Variants in DMTN observed in about 807,000 individuals in gnomAD.
DMTN encodes dematin.
DMTN carries 27 observed loss-of-function variants against 59.4 expected under a neutral mutation model. The ratio of observed to expected loss-of-function variants is 0.45; its 90% confidence interval spans 0.33 to 0.63. The LOEUF is 0.63. Among genes scored for constraint, DMTN ranks in the 20% least tolerant of loss-of-function variants. DMTN has a pLI of 0.02. For synonymous variants in DMTN, 221 were observed against 203.7 expected (o/e 1.08, Z -0.72); for missense variants, 451 against 528.9 (o/e 0.85, Z 1.45).
rs1215066017 is a variant in DMTN at position 22,079,291 on chromosome 8, TATATATATATTA to T, written c.836-888_836-877del. Among the ~76,000 whole-genome samples, 4 of 72,828 alleles carry T rather than the reference TATATATATATTA, an allele frequency of 5.5e-5. 1 individual carries two copies. Among genetic ancestry groups the T allele is most frequent in the Admixed American group, 2.0e-4 (1 of 4,892 alleles). The allele number at this position is 72,828 out of a possible 152,430, so 47.8% of individuals were successfully genotyped here. A position where few individuals can be genotyped will look rare whatever the true frequency, so the allele number is the denominator to read the frequency against. On this transcript the variant is annotated intron_variant, in intron 10 of 15. Coordinates refer to ENST00000358242, the MANE Select transcript of DMTN (RefSeq NM_001387751.1). ...ATAAATAAATAAATATATATATATA[TATATATATATTA>T]GCTGGGTTTGATGGCGCATGCCCCT...
Position 22,072,416 on chromosome 8 carries a change from C to G in DMTN, c.695C>G (p.Ala232Gly). 6.3e-7 allele frequency: 1 copy of G among 1,589,072 alleles called. No individual in the cohort carries two copies. The highest frequency in any genetic ancestry group is 8.6e-7 in the Non-Finnish European group (1 of 1,166,678). ...GACGACTCTGGAGAGGAGATGAAGG[C>G]TCTCAGGGAGCGTCAGAGAGAGGAA... ...EDDDSGEEMK[A>G]LRERQREELS... Residue 232 changes from alanine to glycine, a missense_variant, in exon 9 of 16, where the codon GCT (alanine) becomes GGT (glycine). By Grantham distance (60) the Ala-to-Gly change is moderately conservative (BLOSUM62 0). Transcript: ENST00000358242.
chr8:22,073,299 A>G (rs1180366068), intron 9 of DMTN, among the ~76,000 whole-genome samples: 1 of 152,216 alleles, frequency 6.6e-6, no homozygotes, highest in Non-Finnish European at 1.5e-5. Context: ...TCCTGCCTGC[A>G]GCATGGCCCA....
intron 13 of DMTN, 57 bp from the exon 14 acceptor site, chr8:22,080,748 A>G: frequency 6.3e-7 from 1 of 1,591,022 alleles, no homozygotes; most frequent in South Asian, 1.1e-5. Context: ...AAGCCGGGGT[A>G]AGGCTGGGAA....
upstream of DMTN, among the ~76,000 whole-genome samples, chr8:22,056,031 C>G (rs1171538576): frequency 6.6e-6 from 1 of 152,184 alleles, no homozygotes; most frequent in African/African-American, 2.4e-5. Context: ...TGTTGTCCTT[C>G]CCCATCCTGC....
At chr8:22,075,197 A>AAG (rs1242563014) in intron 10 of DMTN, among the ~76,000 whole-genome samples, 6 of 150,906 alleles carry the variant, frequency 4.0e-5, no homozygotes, top group East Asian at 2.0e-4. Context: ...AAAAAAAAAA[A>AAG]AAAGAAAAAA....
In DMTN at chr8:22,081,727, T is replaced by C; in HGVS notation, c.*264T>C. On this transcript the variant is annotated 3_prime_UTR_variant, in exon 16 of 16. Coordinates refer to ENST00000358242, the MANE Select transcript of DMTN (RefSeq NM_001387751.1). ...GGGCTCTGGCACACAGAGTTCATGTTTGCGCCCTCTCCCTGCCCCTCACCC... is the reference window on the plus strand; with the variant it reads ...GGGCTCTGGCACACAGAGTTCATGTCTGCGCCCTCTCCCTGCCCCTCACCC... 1 of 562,884 alleles carries C rather than the reference T, an allele frequency of 1.8e-6. No individual in the cohort carries two copies. Among genetic ancestry groups the C allele is most frequent in the Non-Finnish European group, 3.3e-6 (1 of 303,826 alleles). The allele number at this position is 562,884 out of a possible 1,614,324, so 34.9% of individuals were successfully genotyped here.
upstream of DMTN, among the ~76,000 whole-genome samples, chr8:22,052,278 C>G (rs1801431840): frequency 6.6e-6 from 1 of 152,248 alleles, no homozygotes; most frequent in South Asian, 2.1e-4. Flanking sequence ...TAGAAATAGT[C>G]CATCTTTTCC....
rs779056965 is a variant in DMTN at position 22,081,135 on chromosome 8, T to C, written c.1046T>C (p.Val349Ala). 1 of 1,400,576 alleles carries C rather than the reference T, an allele frequency of 7.1e-7. No individual in the cohort carries two copies. Among genetic ancestry groups the C allele is most frequent in the Admixed American group, 1.9e-5 (1 of 52,890 alleles). 86.8% of individuals were successfully genotyped at this position (1,400,576 alleles called of 1,614,324 possible). The change falls in exon 15 of 16, where the codon GTG becomes GCG. Residue 349 changes from valine to alanine, a missense_variant. Coordinates refer to ENST00000358242, the MANE Select transcript of DMTN (RefSeq NM_001387751.1). Reference protein sequence around the residue: ...EQKIYPYEMLVVTNKGRTKLP... With the variant: ...EQKIYPYEMLAVTNKGRTKLP... The stretch of plus-strand genomic sequence containing the variant: ...CAGATCTATCCCTATGAAATGCTAG[T>C]GGTGACCAACAAGGGGCGAACCAAG...
chr8:22,080,493 G>GA, intron 12 of DMTN, 33 bp downstream of exon 12: 1 of 1,614,188 alleles, frequency 6.2e-7, no homozygotes, highest in African/African-American at 1.3e-5. Flanking sequence ...GGGGTCTGGA[G>GA]AAGGGGCTTA....
intron 9 of DMTN, among the ~76,000 whole-genome samples, chr8:22,073,150 G>A (rs534397255): frequency 1.8e-4 from 28 of 152,282 alleles, no homozygotes; most frequent in Non-Finnish European, 3.4e-4. Flanking sequence ...CAGGGAGGCC[G>A]CCGTGGTAGA....
chr8:22,075,773 C>T (rs1819341219), intron 10 of DMTN, among the ~76,000 whole-genome samples: 1 of 152,308 alleles, frequency 6.6e-6, no homozygotes, highest in African/African-American at 2.4e-5. Flanking sequence ...CCTGCCTTGG[C>T]CTCCCAAAGT....
At chr8:22,049,136 G>T (rs1585548776), upstream of DMTN, 1 of 150,210 alleles carries the variant, frequency 6.7e-6, no homozygotes, top group African/African-American at 2.4e-5. Context: ...GGCCCGAGGC[G>T]CAGGCGAGGG....
chr8:22,065,294 AC>A (rs1809663749), intron 1 of DMTN, among the ~76,000 whole-genome samples: 1 of 152,206 alleles, frequency 6.6e-6, no homozygotes, highest in Non-Finnish European at 1.5e-5. Flanking sequence ...TTGGCCTCCC[AC>A]ATAGCTCTTA....
At chr8:22,081,227 G>C (rs996453180) in intron 15 of DMTN, 34 bp downstream of exon 15, 5 of 1,612,314 alleles carry the variant, frequency 3.1e-6, no homozygotes, top group Non-Finnish European at 4.2e-6. Flanking sequence ...TGGGTGCGGG[G>C]CTGTCCACGG....
chr8:22,063,711 A>G (rs1051450322), intron 1 of DMTN, among the ~76,000 whole-genome samples: 10 of 152,170 alleles, frequency 6.6e-5, no homozygotes, highest in Admixed American at 4.6e-4. Context: ...CAAACTGGGC[A>G]TCTTTCAAGG....
chr8:22,060,431 T>TCTCTCTCTCTCTCTCC lies in DMTN; in HGVS notation c.-172+3296_-172+3297insTCTCTCTCTCTCTCCC, dbSNP rs879697430. ...CTGTCTCGCTCTCTCTCTCTCTCTC[T>TCTCTCTCTCTCTCTCC]CCCCCTCACACATGCGCACGCACAC... is the stretch of plus-strand genomic sequence containing the variant. On this transcript the variant is annotated intron_variant, in intron 1 of 15. Coordinates refer to ENST00000358242, the MANE Select transcript of DMTN (RefSeq NM_001387751.1). The surrounding 1 kb of genome is among the most constrained non-coding windows in gnomAD (Gnocchi z 5.0). Among the ~76,000 whole-genome samples, 1 of 151,218 alleles carries TCTCTCTCTCTCTCTCC rather than the reference T, an allele frequency of 6.6e-6. No individual in the cohort carries two copies. The highest frequency in any genetic ancestry group is 2.4e-5 in the African/African-American group (1 of 40,910).
At position 22,079,303 on chromosome 8, in the gene DMTN, A is replaced by ATAG. The variant is rs67715172; in HGVS notation, c.836-877_836-876insTAG. Among the ~76,000 whole-genome samples, 107 of 52,200 alleles carry ATAG rather than the reference A, an allele frequency of 2.0e-3. 14 individuals carry two copies. The highest frequency in any genetic ancestry group is 9.8e-3 in the South Asian group (12 of 1,222). The allele number at this position is 52,200 out of a possible 152,430, so 34.2% of individuals were successfully genotyped here. A position where few individuals can be genotyped will look rare whatever the true frequency, so the allele number is the denominator to read the frequency against. Reference sequence around the variant, plus strand: ...ATATATATATATATATATATATATTAGCTGGGTTTGATGGCGCATGCCCCT... The same window carrying ATAG: ...ATATATATATATATATATATATATTATAGGCTGGGTTTGATGGCGCATGCCCCT... On this transcript the variant is annotated intron_variant, in intron 10 of 15. Transcript: ENST00000358242.
In DMTN at chr8:22,056,912, CCGCT is replaced by C. The variant is rs1802914800; in HGVS notation, c.-394_-391del. 6.6e-6 allele frequency: 1 copy of C among 152,130 alleles called. No homozygotes were observed. Among genetic ancestry groups the C allele is most frequent in the Non-Finnish European group, 1.5e-5 (1 of 68,160 alleles). 9.4% of individuals were successfully genotyped at this position (152,130 alleles called of 1,614,324 possible). On this transcript the variant is annotated 5_prime_UTR_variant, in exon 1 of 16. Transcript: ENST00000358242. ...GTGGGGGCCCAGAGGGGAGATCAGA[CCGCT>C]CAGCCGAGACCAGCTCCCCTCCTTC...
Position 22,067,140 on chromosome 8 carries a change from G to T in DMTN, c.74G>T (p.Gly25Val). 1 of 1,608,436 alleles carries T rather than the reference G, an allele frequency of 6.2e-7. No homozygotes were observed. The highest frequency in any genetic ancestry group is 8.5e-7 in the Non-Finnish European group (1 of 1,177,778). ...VSPSRDSSVP[G>V]SPSSIVAKMD... ...CCCTCCCGAGATTCCAGTGTGCCTGGCTCTCCCTCCAGCATCGTGGTGAGT... is the reference window on the plus strand; with the variant it reads ...CCCTCCCGAGATTCCAGTGTGCCTGTCTCTCCCTCCAGCATCGTGGTGAGT... Residue 25 changes from glycine to valine, a missense_variant, in exon 3 of 16, where the codon GGC becomes GTC. Gly to Val is a moderately radical substitution (Grantham distance 109). Transcript: ENST00000358242.
Sources: allele counts gnomAD v4.1 joint callset (sites outside exome capture counted in the v4.1 genomes callset), GRCh38; gene constraint gnomAD v4.1.1; non-coding constraint Gnocchi (gnomAD v3.1); transcripts MANE v1.5; gene names NCBI Gene and HGNC (gene_info 2026-07-23, HGNC 2026-07-21).